PAMR1: variants seen among roughly 807,000 people sequenced by gnomAD.
PAMR1 encodes peptidase domain containing associated with muscle regeneration 1, also known as inactive serine protease PAMR1.
Under a neutral mutation model 81.8 loss-of-function variants are expected in PAMR1, and 88 were observed. The ratio of observed to expected loss-of-function variants is 1.08; its 90% CI spans 0.91 to 1.28. The LOEUF (loss-of-function observed/expected upper bound fraction) is 1.28. Ranked by LOEUF, PAMR1 falls within the 50% of genes most tolerant of loss-of-function variation. PAMR1 has a pLI of 0.00. For missense variants in PAMR1, 935 were observed against 919.7 expected, an observed-to-expected ratio of 1.02 and a Z score of -0.21; for synonymous variants, 336 against 345.3, an observed-to-expected ratio of 0.97 and a Z score of 0.30.
intron 3 of PAMR1, among the ~76,000 whole-genome samples, chr11:35,476,358 G>A (rs915743817): frequency 2.0e-5 from 3 of 152,154 alleles, no homozygotes; most frequent in Admixed American, 1.3e-4. Flanking sequence ...GAGGGACCTG[G>A]TGGGATGTAA....
rs71044524 is a variant in PAMR1 at position 35,507,039 on chromosome 11, C to CTT, written c.74-12769_74-12768dup. 8.4e-3 allele frequency among the ~76,000 whole-genome samples: 732 copies of CTT among 86,644 alleles called. 70 individuals are homozygous for CTT. Among genetic ancestry groups the CTT allele is most frequent in the East Asian group, 0.02 (61 of 3,112 alleles). 56.8% of individuals were successfully genotyped at this position (86,644 alleles called of 152,430 possible). The stretch of plus-strand genomic sequence containing the variant: ...TCTCCTCTATTTTCAAATAGCCTGA[C>CTT]TTTTTTTTTTTTTTTTTTTTTTTTT... On this transcript the variant is annotated intron_variant, in intron 1 of 10. Coordinates refer to ENST00000619888, the MANE Select transcript of PAMR1 (RefSeq NM_001001991.3).
At chr11:35,463,674 G>A (rs2135370460) in intron 6 of PAMR1, among the ~76,000 whole-genome samples, 1 of 152,270 alleles carries the variant, frequency 6.6e-6, no homozygotes, top group Admixed American at 6.5e-5. Context: ...CAAGGCGGAG[G>A]AGGGGGCCGT....
At chr11:35,469,518 G>C (rs907836242) in intron 5 of PAMR1, among the ~76,000 whole-genome samples, 3 of 152,328 alleles carry the variant, frequency 2.0e-5, no homozygotes, top group African/African-American at 7.2e-5. Flanking sequence ...GCCACAGGCT[G>C]ATCACACCAC....
rs1850396753 is a variant in PAMR1, at chr11:35,481,708, A to G, written c.380-6964T>C. 2.0e-5 allele frequency among the ~76,000 whole-genome samples: 3 copies of G among 152,214 alleles called. No homozygotes were observed. The South Asian group carries it at 6.2e-4, about 32-fold the overall frequency. On this transcript the variant is annotated intron_variant, in intron 3 of 10. Transcript: ENST00000619888. ...CAGCTAATTTCTGTGTTTTTAGTAG[A>G]GACAGGGTTTCACCATGTTGGCCAG... is the stretch of plus-strand genomic sequence containing the variant.
upstream of PAMR1, among the ~76,000 whole-genome samples, chr11:35,526,979 A>G (rs1851405533): frequency 6.6e-6 from 1 of 152,162 alleles, no homozygotes; most frequent in Non-Finnish European, 1.5e-5. Context: ...ACCCTGGACT[A>G]TTGATGAAGG....
upstream of PAMR1, chr11:35,530,126 A>T (rs1040475296): frequency 6.6e-6 from 1 of 152,258 alleles, no homozygotes; most frequent in Non-Finnish European, 1.5e-5. Context: ...AACCTATAAG[A>T]GGCATCCCAG....
At chr11:35,485,961 G>T (rs1004286310) in intron 3 of PAMR1, among the ~76,000 whole-genome samples, 1 of 152,228 alleles carries the variant, frequency 6.6e-6, no homozygotes, top group Non-Finnish European at 1.5e-5. Context: ...CCTTAACGTA[G>T]GCAGGCAGCA....
chr11:35,497,852 GCTTT>G (rs955968826), intron 1 of PAMR1, among the ~76,000 whole-genome samples: 22 of 151,982 alleles, frequency 1.4e-4, no homozygotes, highest in Non-Finnish European at 2.4e-4. Context: ...ACTCAATACA[GCTTT>G]CTTTTTTTAT....
intron 3 of PAMR1, among the ~76,000 whole-genome samples, chr11:35,488,669 CTTTTTTTT>C (rs34053329): frequency 7.0e-5 from 3 of 42,936 alleles, no homozygotes; most frequent in Admixed American, 4.2e-4. Context: ...CAAATCTTGC[CTTTTTTTT>C]TTTTTTTTTT....
At chr11:35,508,760 ACT>A (rs1419832213) in intron 1 of PAMR1, among the ~76,000 whole-genome samples, 1 of 149,406 alleles carries the variant, frequency 6.7e-6, no homozygotes. Flanking sequence ...ATCCATGTGT[ACT>A]CACTGTTTAA....
intron 10 of PAMR1, among the ~76,000 whole-genome samples, chr11:35,433,269 C>T (rs779475569): frequency 3.9e-5 from 6 of 152,176 alleles, no homozygotes; most frequent in Non-Finnish European, 8.8e-5. Flanking sequence ...ACAAACAATG[C>T]TTGCAAATAA....
intron 1 of PAMR1, among the ~76,000 whole-genome samples, chr11:35,497,754 G>A (rs532267776): frequency 6.6e-6 from 1 of 152,242 alleles, no homozygotes; most frequent in East Asian, 1.9e-4. Context: ...ACTATAACAT[G>A]TCACTGTACT....
rs111324432 is a variant in PAMR1 at position 35,434,719 on chromosome 11, G to T, written c.1419C>A (p.Ser473Arg). ...TGTGTAGGCTGCCGTCATGCACCCC[G>T]CTGGTCCTCCTGTAGATGGCTGCCT... Reference protein sequence around the residue: ...PWQAAIYRRTSGVHDGSLHKG... With the variant: ...PWQAAIYRRTRGVHDGSLHKG... Residue 473 changes from serine to arginine, a missense_variant, in exon 10 of 11, where the codon AGC becomes AGA. Transcript: ENST00000619888. 1.2e-6 allele frequency: 2 copies of T among 1,614,120 alleles called. No individual in the cohort carries two copies. The highest frequency in any genetic ancestry group is 1.7e-6 in the Non-Finnish European group (2 of 1,180,020).
At chr11:35,471,423 G>A (rs1419806668) in intron 4 of PAMR1, among the ~76,000 whole-genome samples, 1 of 152,120 alleles carries the variant, frequency 6.6e-6, no homozygotes, top group Non-Finnish European at 1.5e-5. Context: ...ATATACGACT[G>A]AATGGATACT....
chr11:35,440,804 T>A (rs2135341458), intron 7 of PAMR1, among the ~76,000 whole-genome samples: 1 of 152,318 alleles, frequency 6.6e-6, no homozygotes, highest in Middle Eastern at 3.4e-3. Context: ...CACTTCTGCC[T>A]ACACCTCTTT....
At chr11:35,437,601 G>A (rs1055690142) in intron 8 of PAMR1, among the ~76,000 whole-genome samples, 1 of 152,238 alleles carries the variant, frequency 6.6e-6, no homozygotes, top group Admixed American at 6.5e-5. Context: ...GTGGCTGCTG[G>A]AGATAGGGAT....
chr11:35,522,423 G>A (rs1851302829), intron 1 of PAMR1, among the ~76,000 whole-genome samples: 1 of 152,082 alleles, frequency 6.6e-6, no homozygotes, highest in South Asian at 2.1e-4. Flanking sequence ...ACTATTCTAA[G>A]TACCTCATAT....
intron 6 of PAMR1, chr11:35,451,993 T>C (rs1856429508): frequency 1.6e-6 from 1 of 626,462 alleles, no homozygotes; most frequent in South Asian, 1.9e-5. Context: ...TATTCTCTTG[T>C]AGCAGCCCAA....
chr11:35,483,695 A>ATG (rs1850443685), intron 3 of PAMR1, among the ~76,000 whole-genome samples: 5 of 152,154 alleles, frequency 3.3e-5, no homozygotes, highest in Admixed American at 3.3e-4. Context: ...GGTTTTAATG[A>ATG]AAACTGTTAT....
Sources: allele counts gnomAD v4.1 joint callset (sites outside exome capture counted in the v4.1 genomes callset), GRCh38; gene constraint gnomAD v4.1.1; transcripts MANE v1.5; gene names NCBI Gene and HGNC (gene_info 2026-07-23, HGNC 2026-07-21).